Variants in CDH13 observed in about 807,000 individuals in gnomAD.
CDH13 encodes the protein cadherin-13.
In CDH13, 24 loss-of-function variants were observed where a neutral mutation model predicts 63.8. That is an observed-to-expected ratio of 0.38 (90% CI 0.27 to 0.53). The LOEUF (loss-of-function observed/expected upper bound fraction) is 0.53. Ranked by LOEUF, CDH13 falls within the 20% of genes least tolerant of loss-of-function variation. The pLI, the probability that CDH13 is intolerant of heterozygous loss-of-function variation, is 0.85. For missense variants in CDH13, 1,049 were observed against 903.1 expected, an observed-to-expected ratio of 1.16 and a Z score of -2.07; for synonymous variants, 503 against 355.3, an observed-to-expected ratio of 1.42 and a Z score of -4.67.
At chr16:83,037,516 G>C (rs1220820342) in intron 3 of CDH13, among the ~76,000 whole-genome samples, 2 of 152,188 alleles carry the variant, frequency 1.3e-5, no homozygotes, top group Admixed American at 1.3e-4. Context: ...AAAGAGCCAG[G>C]ATCCCGTATC....
At chr16:83,395,147 C>CAA (rs56374797) in intron 6 of CDH13, among the ~76,000 whole-genome samples, 6,275 of 106,524 alleles carry the variant, frequency 0.059, 292 homozygotes, top group Non-Finnish European at 0.071. Flanking sequence ...GACTCCATCT[C>CAA]AAAAAAAAAA....
At chr16:83,011,820 C>T (rs1176349247) in intron 2 of CDH13, among the ~76,000 whole-genome samples, 1 of 152,216 alleles carries the variant, frequency 6.6e-6, no homozygotes, top group Non-Finnish European at 1.5e-5. Context: ...TTCAGTTCAG[C>T]AGAACAAAGG....
chr16:82,637,565 G>A (rs1286605301), intron 1 of CDH13: 4 of 151,280 alleles, frequency 2.6e-5, no homozygotes, highest in African/African-American at 9.7e-5. Context: ...TGAGTAGCTG[G>A]GGCTACAGGC....
At chr16:83,314,648 C>T (rs966524295) in intron 5 of CDH13, among the ~76,000 whole-genome samples, 1 of 152,160 alleles carries the variant, frequency 6.6e-6, no homozygotes, top group Non-Finnish European at 1.5e-5. Context: ...GCCATCTCTT[C>T]CAACACAAGA....
chr16:82,719,329 C>A (rs936980778), intron 1 of CDH13: 4 of 455,132 alleles, frequency 8.8e-6, no homozygotes, highest in Non-Finnish European at 1.8e-5. Context: ...AGACTTAAAG[C>A]TTGGAACTTA....
chr16:83,354,047 G>A (rs984039578), intron 6 of CDH13, among the ~76,000 whole-genome samples: 1 of 152,188 alleles, frequency 6.6e-6, no homozygotes, highest in African/African-American at 2.4e-5. Context: ...CAGGGCAAAG[G>A]AGCATTTGTA....
At chr16:83,721,177 A>T (rs900131365) in intron 10 of CDH13, 1 of 152,238 alleles carries the variant, frequency 6.6e-6, no homozygotes, top group Admixed American at 6.5e-5. Context: ...TGTCACCTGA[A>T]GGTCACCACC....
At chr16:82,674,863 T>C (rs59024069) in intron 1 of CDH13, among the ~76,000 whole-genome samples, 16,713 of 152,206 alleles carry the variant, frequency 0.11, 1,355 homozygotes, top group African/African-American at 0.22. Context: ...AGTTATCTCT[T>C]TATAGATAGA....
chr16:83,223,783 G>A (rs567488484), intron 5 of CDH13, among the ~76,000 whole-genome samples: 1 of 152,358 alleles, frequency 6.6e-6, no homozygotes, highest in Non-Finnish European at 1.5e-5. Flanking sequence ...AAGTCCGCTT[G>A]CCAGAGGACT....
At chr16:82,770,080 T>C (rs2035205415) in intron 1 of CDH13, among the ~76,000 whole-genome samples, 2 of 152,258 alleles carry the variant, frequency 1.3e-5, no homozygotes, top group Admixed American at 1.3e-4. Flanking sequence ...AGCACAACTG[T>C]CTATGGCTTG....
At chr16:83,285,134 G>A (rs1448641533) in intron 5 of CDH13, among the ~76,000 whole-genome samples, 1 of 152,106 alleles carries the variant, frequency 6.6e-6, no homozygotes, top group Non-Finnish European at 1.5e-5. Context: ...GAGGACCAGA[G>A]TATCGATGTG....
intron 4 of CDH13, chr16:83,180,808 T>A: frequency 8.7e-7 from 1 of 1,145,556 alleles, no homozygotes; most frequent in Non-Finnish European, 1.3e-6. Flanking sequence ...GCTGTAGTCA[T>A]TTGTTGGCTT....
chr16:83,118,648 G>T (rs536734277), intron 3 of CDH13, among the ~76,000 whole-genome samples: 1 of 151,984 alleles, frequency 6.6e-6, no homozygotes, highest in Non-Finnish European at 1.5e-5. Context: ...TTTTTCTACC[G>T]TTTCTGCAGT....
At chr16:83,447,253 A>G (rs1257980615) in intron 6 of CDH13, among the ~76,000 whole-genome samples, 1 of 151,354 alleles carries the variant, frequency 6.6e-6, no homozygotes, top group Admixed American at 6.6e-5. Context: ...CATCTCTACT[A>G]AAAATACAAA....
intron 1 of CDH13, among the ~76,000 whole-genome samples, chr16:82,648,628 T>G (rs1175192345): frequency 1.3e-5 from 2 of 152,206 alleles, no homozygotes; most frequent in Non-Finnish European, 2.9e-5. Flanking sequence ...TGAAAGGAAT[T>G]TATCAAAATC....
At chr16:83,039,897 C>G (rs758268760) in intron 3 of CDH13, among the ~76,000 whole-genome samples, 1 of 152,094 alleles carries the variant, frequency 6.6e-6, no homozygotes, top group Non-Finnish European at 1.5e-5. Context: ...GCTTCAGAAC[C>G]AGCCAAGATT....
At chr16:83,672,678 G>T in intron 9 of CDH13, among the ~76,000 whole-genome samples, 1 of 151,998 alleles carries the variant, frequency 6.6e-6, no homozygotes, top group Non-Finnish European at 1.5e-5. Context: ...GCCCGCCTTG[G>T]CCTCCCAAAG....
At chr16:82,915,012 G>T (rs980297184) in intron 2 of CDH13, among the ~76,000 whole-genome samples, 16 of 152,298 alleles carry the variant, frequency 1.1e-4, no homozygotes, top group Non-Finnish European at 1.5e-4. Context: ...AAATTTGCAC[G>T]ATGTGCAGTG....
intron 2 of CDH13, chr16:82,954,493 G>C (rs1203234234): frequency 6.6e-6 from 1 of 152,096 alleles, no homozygotes; most frequent in Non-Finnish European, 1.5e-5. Context: ...AACTTATCCA[G>C]AGTCACAAAG....
Sources: gnomAD v4.1 joint callset for allele counts (sites outside exome capture counted in the v4.1 genomes callset) on GRCh38, gnomAD v4.1.1 for gene constraint, MANE v1.5 for transcripts, NCBI Gene and HGNC (gene_info 2026-07-23, HGNC 2026-07-21) for gene names.